DENND1A: variants seen among roughly 807,000 people sequenced by gnomAD.
DENND1A encodes DENN domain containing 1A, also known as DENN domain-containing protein 1A.
DENND1A carries 51 observed loss-of-function variants against 113.7 expected under a neutral mutation model. The observed-to-expected ratio is 0.45, with a 90% CI of 0.36 to 0.57. The LOEUF is 0.57. Among genes scored for constraint, DENND1A ranks in the 20% least tolerant of loss-of-function variants. The pLI is 0.00. For synonymous variants in DENND1A, 565 were observed against 570.8 expected (o/e 0.99, Z 0.14); for missense variants, 1,258 against 1,395.9 (o/e 0.90, Z 1.57).
intron 4 of DENND1A, among the ~76,000 whole-genome samples, chr9:123,758,394 T>C (rs2070755300): frequency 6.6e-6 from 1 of 152,142 alleles, no homozygotes; most frequent in African/African-American, 2.4e-5. Context: ...AGGACAACCA[T>C]GGAATTTAGA....
chr9:123,578,446 C>A (rs1436583016), intron 12 of DENND1A, among the ~76,000 whole-genome samples: 1 of 152,222 alleles, frequency 6.6e-6, no homozygotes, highest in Non-Finnish European at 1.5e-5. Context: ...GTGGCGCAAT[C>A]ACAGCTCACT....
intron 23 of DENND1A, 87 bp from the exon 24 acceptor site, chr9:123,382,712 A>G (rs1588243322): frequency 7.2e-7 from 1 of 1,389,438 alleles, no homozygotes; most frequent in East Asian, 2.4e-5. Context: ...TGTGTGCTGA[A>G]TGTGTGCTGG....
At chr9:123,634,238 A>G (rs2061604787) in intron 9 of DENND1A, among the ~76,000 whole-genome samples, 1 of 152,362 alleles carries the variant, frequency 6.6e-6, no homozygotes, top group Middle Eastern at 3.4e-3. Context: ...CAAAAAATCA[A>G]GCTTTTAAGG....
chr9:123,518,465 T>C (rs2054120370), intron 13 of DENND1A, among the ~76,000 whole-genome samples: 1 of 152,184 alleles, frequency 6.6e-6, no homozygotes, highest in African/African-American at 2.4e-5. Flanking sequence ...AAATGCTAAT[T>C]GAGTTGGTCC....
chr9:123,818,565 C>CATATATAT (rs1366921470), intron 2 of DENND1A, among the ~76,000 whole-genome samples: 12 of 45,474 alleles, frequency 2.6e-4, no homozygotes, highest in African/African-American at 5.8e-4. Context: ...CACACACACA[C>CATATATAT]ACATATATAT....
intron 18 of DENND1A, among the ~76,000 whole-genome samples, chr9:123,445,092 A>G (rs139818484): frequency 1.3e-5 from 2 of 152,346 alleles, no homozygotes; most frequent in African/African-American, 4.8e-5. Flanking sequence ...ATCAGAAGCC[A>G]TGACTATGCT....
At chr9:123,530,238 TA>T (rs1243570126) in intron 13 of DENND1A, among the ~76,000 whole-genome samples, 1 of 152,140 alleles carries the variant, frequency 6.6e-6, no homozygotes, top group Admixed American at 6.6e-5. Context: ...GTATGATAAA[TA>T]AATCTACTTA....
intron 5 of DENND1A, among the ~76,000 whole-genome samples, chr9:123,683,526 T>A (rs1463047528): frequency 6.6e-6 from 1 of 152,086 alleles, no homozygotes; most frequent in Non-Finnish European, 1.5e-5. Context: ...AGAGACAGAG[T>A]TTGTTGAGGT....
intron 21 of DENND1A, among the ~76,000 whole-genome samples, chr9:123,393,252 G>C (rs985224028): frequency 3.9e-5 from 6 of 152,234 alleles, no homozygotes; most frequent in African/African-American, 1.4e-4. Context: ...CTGCCAACAA[G>C]TAGATTCTGG....
At chr9:123,903,591 G>A (rs572363887) in intron 1 of DENND1A, among the ~76,000 whole-genome samples, 56 of 152,238 alleles carry the variant, frequency 3.7e-4, no homozygotes, top group African/African-American at 1.3e-3. Context: ...TTCCCTTTCC[G>A]AGTCAAAGAA....
intron 2 of DENND1A, among the ~76,000 whole-genome samples, chr9:123,856,214 G>A (rs984923410): frequency 3.3e-5 from 5 of 152,234 alleles, no homozygotes; most frequent in East Asian, 1.9e-4. Flanking sequence ...CGAGGTACAC[G>A]TCCATACTTG....
rs1200213285 is a variant in DENND1A at position 123,380,428 on chromosome 9, G to C, written c.*1004C>G. On this transcript the variant is annotated 3_prime_UTR_variant, in exon 24 of 24. Transcript: ENST00000394215. ...CCTCCTCCTGCTTCCCCGAGGCAGA[G>C]ACCAAGTTTGTCCTTTCTACCTGGC... The C allele has an allele frequency of 6.6e-6, 1 of 152,516 alleles. No individual in the cohort carries two copies. Among genetic ancestry groups the C allele is most frequent in the African/African-American group, 2.4e-5 (1 of 41,460 alleles). The allele number at this position is 152,516 out of a possible 1,614,324, so 9.4% of individuals were successfully genotyped here.
chr9:123,771,887 G>C (rs1829789576), intron 3 of DENND1A, among the ~76,000 whole-genome samples: 2 of 152,006 alleles, frequency 1.3e-5, no homozygotes, highest in Admixed American at 1.3e-4. Context: ...GAGGGGGAAA[G>C]GGAATATAGG....
At chr9:123,774,396 G>C (rs1478053808) in intron 3 of DENND1A, among the ~76,000 whole-genome samples, 2 of 152,170 alleles carry the variant, frequency 1.3e-5, no homozygotes, top group African/African-American at 2.4e-5. Context: ...TGATTAAGAA[G>C]GGTAAAGCAG....
At chr9:123,836,011 A>G (rs1341250881) in intron 2 of DENND1A, among the ~76,000 whole-genome samples, 1 of 152,216 alleles carries the variant, frequency 6.6e-6, no homozygotes, top group African/African-American at 2.4e-5. Context: ...TAAAGTATCC[A>G]GCAGGGTGTC....
rs192672557 is a variant in DENND1A at position 123,620,371 on chromosome 9, C to T, written c.719+10005G>A. Among the ~76,000 whole-genome samples, 28 of 152,058 alleles carry T rather than the reference C, an allele frequency of 1.8e-4. No homozygotes were observed. The East Asian group carries it at 5.2e-3, about 28-fold the overall frequency. ...GTGTAGGGCTCAGTGACTGTTATCA[C>T]CTCAAAACATTTTTCCAGCTGCCTA... On this transcript the variant is annotated intron_variant, in intron 10 of 23. Transcript: ENST00000394215.
chr9:123,712,619 C>T (rs1177586799), intron 5 of DENND1A, among the ~76,000 whole-genome samples: 3 of 152,150 alleles, frequency 2.0e-5, no homozygotes, highest in Admixed American at 1.3e-4. Flanking sequence ...AGACCAGGCA[C>T]CAGATGTACA....
intron 13 of DENND1A, among the ~76,000 whole-genome samples, chr9:123,556,405 A>G (rs1214707697): frequency 6.6e-6 from 1 of 152,240 alleles, no homozygotes; most frequent in Non-Finnish European, 1.5e-5. Flanking sequence ...TTACTTGAAT[A>G]CACGACGGAG....
chr9:123,493,781 A>C (rs1188847237), intron 13 of DENND1A, among the ~76,000 whole-genome samples: 1 of 152,130 alleles, frequency 6.6e-6, no homozygotes, highest in African/African-American at 2.4e-5. Flanking sequence ...CTACGAGTGG[A>C]GGCTGCCAGG....
Sources: allele counts gnomAD v4.1 joint callset (sites outside exome capture counted in the v4.1 genomes callset), GRCh38; gene constraint gnomAD v4.1.1; transcripts MANE v1.5; gene names NCBI Gene and HGNC (gene_info 2026-07-23, HGNC 2026-07-21).